The following BACH2 variants were observed in gnomAD, a reference collection of about 807,000 sequenced individuals.
The protein encoded by BACH2 is BACH transcriptional regulator 2.
Under a neutral mutation model 61.8 loss-of-function variants are expected in BACH2, and 5 were observed. That is an observed-to-expected ratio of 0.08 (90% confidence interval 0.04 to 0.17). The LOEUF (loss-of-function observed/expected upper bound fraction) is 0.17, where lower values mean the gene tolerates loss of function less well. Ranked by LOEUF, BACH2 falls within the 10% of genes least tolerant of loss-of-function variation. The probability of loss-of-function intolerance (pLI) is 1.00; values close to 1 mark genes in which losing one functional copy is unlikely to be tolerated. For missense variants in BACH2, 824 were observed against 1,091.1 expected (o/e 0.76, Z 3.45); for synonymous variants, 446 against 440.1 (o/e 1.01, Z -0.17).
At position 90,191,776 on chromosome 6, in the gene BACH2, C is replaced by A. The variant is rs77644226; in HGVS notation, c.-162+14793G>T. ...ATGCAGTATCTGGCAAACAGGGATT[C>A]CATAAAATGGTAATACTTAAAATAA... On this transcript the variant is annotated intron_variant, in intron 4 of 8. Transcript: ENST00000257749. Among the ~76,000 whole-genome samples the A allele has an allele frequency of 6.8e-3, 1,035 of 152,172 alleles. 14 individuals are homozygous for A. The highest frequency in any genetic ancestry group is 0.023 in the African/African-American group (972 of 41,520).
intron 3 of BACH2, among the ~76,000 whole-genome samples, chr6:90,242,609 T>C (rs1006823278): frequency 6.6e-6 from 1 of 152,200 alleles, no homozygotes; most frequent in African/African-American, 2.4e-5. Context: ...TCTAGATGCG[T>C]AGTTGCTGAA....
At chr6:89,943,775 T>C (rs1282294414) in intron 7 of BACH2, among the ~76,000 whole-genome samples, 1 of 152,240 alleles carries the variant, frequency 6.6e-6, no homozygotes, top group Non-Finnish European at 1.5e-5. Flanking sequence ...TAATATTTTT[T>C]CCTACTTCAT....
At chr6:90,181,702 C>A (rs995791313) in intron 4 of BACH2, among the ~76,000 whole-genome samples, 5 of 152,134 alleles carry the variant, frequency 3.3e-5, no homozygotes, top group African/African-American at 1.2e-4. Flanking sequence ...TAACCTCAGC[C>A]TCTTGAGTAG....
At chr6:89,955,057 T>C (rs991163864) in intron 6 of BACH2, among the ~76,000 whole-genome samples, 1 of 152,240 alleles carries the variant, frequency 6.6e-6, no homozygotes, top group Non-Finnish European at 1.5e-5. Flanking sequence ...ATTTACCAAG[T>C]ATCTCCTAGT....
intron 1 of BACH2, among the ~76,000 whole-genome samples, chr6:90,295,435 G>C (rs1201255552): frequency 6.6e-6 from 1 of 152,030 alleles, no homozygotes; most frequent in African/African-American, 2.4e-5. Flanking sequence ...CGAGGTCGCC[G>C]AGATGCTCGC....
At chr6:89,992,181 A>AGTATG (rs979549261) in intron 6 of BACH2, among the ~76,000 whole-genome samples, 1 of 152,210 alleles carries the variant, frequency 6.6e-6, no homozygotes, top group Admixed American at 6.5e-5. Context: ...CTTTTTACAA[A>AGTATG]GTATGCAAAT....
At chr6:90,091,631 CGTTT>C (rs962706265) in intron 4 of BACH2, among the ~76,000 whole-genome samples, 4 of 151,970 alleles carry the variant, frequency 2.6e-5, no homozygotes, top group South Asian at 2.1e-4. Context: ...ACTGAAGTGA[CGTTT>C]GTTTGTTATA....
chr6:90,206,187 G>A (rs1769138238), intron 4 of BACH2, among the ~76,000 whole-genome samples: 1 of 152,122 alleles, frequency 6.6e-6, no homozygotes. Context: ...TACAGATGGG[G>A]AAATTGGGGA....
rs1042243990 is a variant in BACH2, at chr6:90,002,800, C to T, written c.243+5802G>A. Among the ~76,000 whole-genome samples, 7 of 151,964 alleles carry T rather than the reference C, an allele frequency of 4.6e-5. 1 individual carries two copies. Among genetic ancestry groups the T allele is most frequent in the Non-Finnish European group, 8.8e-5 (6 of 67,958 alleles). ...TTAAACAAAAAAATAAACAAAACTC[C>T]CAATTCTACCCGAGTCCCCAATCCT... On this transcript the variant is annotated intron_variant, in intron 6 of 8. Transcript: ENST00000257749.
chr6:90,113,966 C>G (rs1783287873), intron 4 of BACH2, among the ~76,000 whole-genome samples: 1 of 152,068 alleles, frequency 6.6e-6, no homozygotes, highest in Non-Finnish European at 1.5e-5. Context: ...AAGACTGAGT[C>G]AGGAAGAAAT....
At chr6:90,000,276 C>A (rs1162564491) in intron 6 of BACH2, among the ~76,000 whole-genome samples, 1 of 152,154 alleles carries the variant, frequency 6.6e-6, no homozygotes, top group Non-Finnish European at 1.5e-5. Flanking sequence ...GTCACCTCTG[C>A]GTTACTATAA....
intron 3 of BACH2, among the ~76,000 whole-genome samples, chr6:90,215,974 T>C (rs1258689939): frequency 2.6e-5 from 4 of 152,190 alleles, no homozygotes; most frequent in African/African-American, 9.7e-5. Context: ...CCATTAACTT[T>C]TCCATAATTT....
chr6:90,119,379 T>C lies in BACH2; in HGVS notation c.-161-30270A>G, dbSNP rs568908262. ...GGAACACAAATGAGAGTAATTCACA[T>C]ATACCAAAAATCAACTTAAACACAC... On this transcript the variant is annotated intron_variant, in intron 4 of 8. Coordinates refer to ENST00000257749, the MANE Select transcript of BACH2 (RefSeq NM_021813.4). Among the ~76,000 whole-genome samples, 8 of 152,350 alleles carry C rather than the reference T, an allele frequency of 5.3e-5. No individual in the cohort carries two copies. The South Asian group carries it at 1.4e-3, about 28-fold the overall frequency.
intron 3 of BACH2, among the ~76,000 whole-genome samples, chr6:90,207,010 T>C (rs1177138876): frequency 2.6e-5 from 4 of 152,156 alleles, no homozygotes; most frequent in Non-Finnish European, 5.9e-5. Context: ...CCACCATGTT[T>C]TCATTCATGC....
chr6:89,957,914 C>T (rs867774888), intron 6 of BACH2, among the ~76,000 whole-genome samples: 1 of 152,170 alleles, frequency 6.6e-6, no homozygotes, highest in Non-Finnish European at 1.5e-5. Flanking sequence ...ACTAAATCAA[C>T]ATTGAAATTG....
At chr6:90,039,509 T>C (rs1053022469) in intron 5 of BACH2, among the ~76,000 whole-genome samples, 5 of 152,148 alleles carry the variant, frequency 3.3e-5, no homozygotes, top group Non-Finnish European at 7.4e-5. Context: ...CTCAGCCTCC[T>C]GAGTAGTCGG....
rs140390550 is a variant in BACH2, at chr6:90,254,297, G to A, written c.-352-1707C>T. On this transcript the variant is annotated intron_variant, in intron 2 of 8. Transcript: ENST00000257749. ...CAGCATAATTTGTTCATGAAAAAATGAGTATGTGAATCTTCCTAGATCTTT... is the reference window on the plus strand; with the variant it reads ...CAGCATAATTTGTTCATGAAAAAATAAGTATGTGAATCTTCCTAGATCTTT... Among the ~76,000 whole-genome samples the A allele has an allele frequency of 1.5e-3, 234 of 152,026 alleles. 4 individuals are homozygous for A. The East Asian group carries it at 0.034, about 22-fold the overall frequency.
intron 3 of BACH2, among the ~76,000 whole-genome samples, chr6:90,242,797 G>A (rs891894493): frequency 5.9e-5 from 9 of 151,972 alleles, no homozygotes; most frequent in African/African-American, 2.2e-4. Flanking sequence ...TAACTTTCAG[G>A]TTCTAACTAA....
At chr6:90,086,061 T>G (rs1332261871) in intron 5 of BACH2, among the ~76,000 whole-genome samples, 5 of 152,208 alleles carry the variant, frequency 3.3e-5, no homozygotes, top group Non-Finnish European at 7.4e-5. Context: ...TCTAGGTATC[T>G]CATATAAATG....
Sources: allele counts gnomAD v4.1 joint callset (sites outside exome capture counted in the v4.1 genomes callset), GRCh38; gene constraint gnomAD v4.1.1; transcripts MANE v1.5; gene names NCBI Gene and HGNC (gene_info 2026-07-23, HGNC 2026-07-21).